GLRA3: variants seen among roughly 807,000 people sequenced by gnomAD.
GLRA3 encodes glycine receptor alpha 3.
A neutral mutation model predicts 60.4 loss-of-function variants in GLRA3; 44 were observed. The observed-to-expected ratio is 0.73, with a 90% confidence interval of 0.57 to 0.94. The LOEUF is 0.94. GLRA3 is among the 40% of genes least tolerant of loss of function. The pLI is 0.00. For missense variants in GLRA3, 508 were observed against 564.6 expected (o/e 0.90, Z 1.02); for synonymous variants, 223 against 192.9 (o/e 1.16, Z -1.29).
intron 3 of GLRA3, among the ~76,000 whole-genome samples, chr4:174,733,801 C>A (rs1736658239): frequency 6.6e-6 from 1 of 152,198 alleles, no homozygotes; most frequent in Non-Finnish European, 1.5e-5. Context: ...TGCCTCTTGT[C>A]TCTAGGACCC....
In GLRA3 at chr4:174,772,700, A is replaced by G. The variant is rs747648016; in HGVS notation, c.200-5670T>C. Among the ~76,000 whole-genome samples the G allele has an allele frequency of 8.7e-4, 132 of 152,292 alleles. 1 individual carries two copies. Among genetic ancestry groups the G allele is most frequent in the Non-Finnish European group, 1.5e-3 (102 of 68,012 alleles). Reference sequence around the variant, plus strand: ...TCAATGTAATAACAAGGTATTTGGGATTTACTTTAGGAAAGCTTTGGAGCC... The same window carrying G: ...TCAATGTAATAACAAGGTATTTGGGGTTTACTTTAGGAAAGCTTTGGAGCC... On this transcript the variant is annotated intron_variant, in intron 2 of 9. Coordinates refer to ENST00000274093, the MANE Select transcript of GLRA3 (RefSeq NM_006529.4).
intron 2 of GLRA3, among the ~76,000 whole-genome samples, chr4:174,770,131 G>C (rs927365581): frequency 1.3e-5 from 2 of 151,962 alleles, no homozygotes; most frequent in Non-Finnish European, 2.9e-5. Context: ...CTATTCTCTA[G>C]ATGGCTATTT....
rs774517039 is a variant in GLRA3, at chr4:174,788,791, A to G, written c.199+25T>C. ...GTTGAAGTATATTTAAAACACACAT[A>G]TAAAGTAGCAAACAGAACAATTACC... On this transcript the variant is annotated intron_variant, in intron 2 of 9. Transcript: ENST00000274093. The G allele has an allele frequency of 2.6e-6, 4 of 1,540,340 alleles. No homozygotes were observed. In the Admixed American group the frequency reaches 7.5e-5, roughly 29 times the overall value.
chr4:174,664,916 G>A (rs901490475), intron 7 of GLRA3, among the ~76,000 whole-genome samples: 4 of 152,156 alleles, frequency 2.6e-5, no homozygotes, highest in Non-Finnish European at 4.4e-5. Context: ...GTATAGAGAT[G>A]AGAAAGACAG....
intron 4 of GLRA3, among the ~76,000 whole-genome samples, chr4:174,716,054 A>C (rs1216585249): frequency 6.6e-6 from 1 of 152,202 alleles, no homozygotes; most frequent in East Asian, 1.9e-4. Flanking sequence ...CAGAGGCATT[A>C]GAGTTCTAAA....
intron 1 of GLRA3, among the ~76,000 whole-genome samples, chr4:174,817,276 C>A (rs533951157): frequency 6.6e-6 from 1 of 152,300 alleles, no homozygotes; most frequent in South Asian, 2.1e-4. Context: ...GAAAGCAGAG[C>A]ATCTATCTTC....
chr4:174,788,975 A>G (rs777832886), intron 1 of GLRA3, 32 bp from the exon 2 acceptor site: 1 of 1,430,950 alleles, frequency 7.0e-7, no homozygotes, highest in Admixed American at 2.2e-5. Flanking sequence ...TAGACTTTAC[A>G]AAAAGAAGTA....
intron 2 of GLRA3, among the ~76,000 whole-genome samples, chr4:174,775,165 C>T (rs1205354965): frequency 6.6e-6 from 1 of 151,866 alleles, no homozygotes; most frequent in Non-Finnish European, 1.5e-5. Context: ...GTTAAAGTGA[C>T]CTCGTACTAA....
chr4:174,680,342 GAATAA>G (rs1561050831), intron 6 of GLRA3, among the ~76,000 whole-genome samples: 2 of 151,912 alleles, frequency 1.3e-5, no homozygotes, highest in East Asian at 3.9e-4. Flanking sequence ...GTGATCAACA[GAATAA>G]ATATAATACA....
chr4:174,816,489 AC>A (rs1324114129), intron 1 of GLRA3, among the ~76,000 whole-genome samples: 1 of 152,164 alleles, frequency 6.6e-6, no homozygotes, highest in Non-Finnish European at 1.5e-5. Context: ...AACTCACGAT[AC>A]TTGTCCATAG....
intron 3 of GLRA3, among the ~76,000 whole-genome samples, chr4:174,752,993 A>ATGTTCTATGTTCTATG (rs1561096387): frequency 6.6e-6 from 1 of 151,956 alleles, no homozygotes; most frequent in Non-Finnish European, 1.5e-5. Flanking sequence ...GGCTTATGTT[A>ATGTTCTATGTTCTATG]TCAAGCCTCC....
intron 6 of GLRA3, among the ~76,000 whole-genome samples, chr4:174,682,140 T>C (rs1047047164): frequency 6.6e-6 from 1 of 152,174 alleles, no homozygotes; most frequent in Non-Finnish European, 1.5e-5. Flanking sequence ...GGCTGTTTAA[T>C]GGCATTCAGA....
At chr4:174,689,174 AT>A (rs1734683378) in intron 5 of GLRA3, among the ~76,000 whole-genome samples, 1 of 152,248 alleles carries the variant, frequency 6.6e-6, no homozygotes, top group East Asian at 1.9e-4. Context: ...AAAATGCACT[AT>A]AAAATAAAAC....
intron 1 of GLRA3, among the ~76,000 whole-genome samples, chr4:174,802,420 A>G (rs1010830502): frequency 6.6e-6 from 1 of 152,022 alleles, no homozygotes; most frequent in Non-Finnish European, 1.5e-5. Flanking sequence ...TGAACAACAA[A>G]ATCCTCATCT....
chr4:174,767,123 TACAC>T (rs10551381), intron 2 of GLRA3, 93 bp from the exon 3 acceptor site: 129,368 of 458,620 alleles, frequency 0.28, 10,313 homozygotes, highest in Non-Finnish European at 0.3. Context: ...TATTCCATTT[TACAC>T]ACACACACAC....
At chr4:174,747,480 A>G (rs1240123077) in intron 3 of GLRA3, among the ~76,000 whole-genome samples, 1 of 152,162 alleles carries the variant, frequency 6.6e-6, no homozygotes, top group Non-Finnish European at 1.5e-5. Flanking sequence ...AAGAGCAGAA[A>G]AATGACAAGA....
intron 5 of GLRA3, among the ~76,000 whole-genome samples, chr4:174,708,202 T>A (rs1561068998): frequency 6.6e-6 from 1 of 152,180 alleles, no homozygotes; most frequent in Non-Finnish European, 1.5e-5. Flanking sequence ...GAGTAGAGAC[T>A]ATTATAAAAT....
At chr4:174,764,977 TG>T (rs1256926057) in intron 3 of GLRA3, among the ~76,000 whole-genome samples, 2 of 152,034 alleles carry the variant, frequency 1.3e-5, no homozygotes, top group Non-Finnish European at 2.9e-5. Flanking sequence ...ACTTAACTTC[TG>T]GGATATTTGA....
chr4:174,794,303 T>A (rs1245141723), intron 1 of GLRA3, among the ~76,000 whole-genome samples: 2 of 152,090 alleles, frequency 1.3e-5, no homozygotes, highest in African/African-American at 4.8e-5. Flanking sequence ...GTGCACTTTT[T>A]AAAAAAATAT....
Sources: gnomAD v4.1 joint callset for allele counts (sites outside exome capture counted in the v4.1 genomes callset) on GRCh38, gnomAD v4.1.1 for gene constraint, MANE v1.5 for transcripts, NCBI Gene and HGNC (gene_info 2026-07-23, HGNC 2026-07-21) for gene names.